TMEM117: variants seen among roughly 807,000 people sequenced by gnomAD.
TMEM117 encodes transmembrane protein 117.
A neutral mutation model predicts 52.4 loss-of-function variants in TMEM117; 27 were observed. The observed-to-expected ratio is 0.51, with a 90% CI of 0.38 to 0.71. TMEM117 has a LOEUF of 0.71. TMEM117 is among the 30% of genes least tolerant of loss of function. The pLI is 0.00. For missense variants in TMEM117, 556 were observed against 630.5 expected, an observed-to-expected ratio of 0.88 and a Z score of 1.26; for synonymous variants, 215 against 206.3, an observed-to-expected ratio of 1.04 and a Z score of -0.36.
intron 6 of TMEM117, among the ~76,000 whole-genome samples, chr12:44,330,708 C>A (rs1170070244): frequency 6.6e-6 from 1 of 151,976 alleles, no homozygotes. Context: ...AATCTTGTGA[C>A]AAATTAGAAG....
At chr12:44,334,134 T>A (rs187414796) in intron 6 of TMEM117, among the ~76,000 whole-genome samples, 1 of 152,218 alleles carries the variant, frequency 6.6e-6, no homozygotes, top group Non-Finnish European at 1.5e-5. Context: ...TCTCTTTTGA[T>A]GACAAACTTT....
chr12:43,927,476 T>C (rs916289144), intron 2 of TMEM117, among the ~76,000 whole-genome samples: 5 of 151,532 alleles, frequency 3.3e-5, no homozygotes, highest in Admixed American at 3.3e-4. Context: ...GCATGACTTA[T>C]TAAATGAGAG....
intron 5 of TMEM117, among the ~76,000 whole-genome samples, chr12:44,261,064 G>A (rs778739396): frequency 1.3e-5 from 2 of 152,090 alleles, no homozygotes; most frequent in Non-Finnish European, 2.9e-5. Flanking sequence ...TTAAAATTGT[G>A]AGTATATACA....
chr12:44,051,268 A>C (rs771608723), intron 3 of TMEM117, among the ~76,000 whole-genome samples: 1 of 152,184 alleles, frequency 6.6e-6, no homozygotes, highest in Non-Finnish European at 1.5e-5. Context: ...CCTCCAACTC[A>C]TAGTAGCCAT....
chr12:44,195,650 A>G (rs570515021), intron 4 of TMEM117, among the ~76,000 whole-genome samples: 1 of 148,456 alleles, frequency 6.7e-6, no homozygotes, highest in African/African-American at 2.6e-5. Context: ...AGCAAAATAG[A>G]CTTTTGACAG....
At chr12:44,144,053 A>G (rs1007839124) in intron 4 of TMEM117, among the ~76,000 whole-genome samples, 1 of 151,800 alleles carries the variant, frequency 6.6e-6, no homozygotes, top group Non-Finnish European at 1.5e-5. Flanking sequence ...AGAAGACCAT[A>G]TGAAATATTT....
chr12:43,912,379 G>T (rs1278679432), intron 2 of TMEM117, among the ~76,000 whole-genome samples: 4 of 151,552 alleles, frequency 2.6e-5, no homozygotes, highest in Non-Finnish European at 5.9e-5. Flanking sequence ...GATAGCATTG[G>T]GAGATATACC....
At chr12:44,335,530 C>G (rs1295347957) in intron 6 of TMEM117, among the ~76,000 whole-genome samples, 9 of 151,914 alleles carry the variant, frequency 5.9e-5, no homozygotes, top group African/African-American at 1.4e-4. Flanking sequence ...TCAGGGTCAT[C>G]TAGTTAATTA....
intron 2 of TMEM117, among the ~76,000 whole-genome samples, chr12:43,921,629 A>G (rs186118209): frequency 2.6e-5 from 4 of 152,188 alleles, no homozygotes; most frequent in Admixed American, 1.3e-4. Context: ...GATTTTCTCT[A>G]TTCTCATATA....
intron 7 of TMEM117, among the ~76,000 whole-genome samples, chr12:44,378,763 G>C (rs1194201054): frequency 6.6e-6 from 1 of 152,122 alleles, no homozygotes; most frequent in East Asian, 1.9e-4. Flanking sequence ...ACAGATTGTT[G>C]GGTTTCATTA....
intron 2 of TMEM117, among the ~76,000 whole-genome samples, chr12:43,901,396 C>T (rs917370004): frequency 4.6e-5 from 7 of 152,190 alleles, no homozygotes; most frequent in East Asian, 1.9e-4. Context: ...CTGCAACCTC[C>T]GCCTCCTGGG....
intron 2 of TMEM117, among the ~76,000 whole-genome samples, chr12:43,896,624 AT>A (rs11302487): frequency 0.72 from 107,719 of 150,222 alleles, 41,485 homozygotes; most frequent in East Asian, 0.87. Context: ...AAATAAACAC[AT>A]TTTTTTTTTT....
chr12:43,998,552 C>A (rs1004269211), intron 3 of TMEM117, among the ~76,000 whole-genome samples: 1 of 152,120 alleles, frequency 6.6e-6, no homozygotes, highest in Non-Finnish European at 1.5e-5. Flanking sequence ...TTGGACATAT[C>A]ACATTTTATT....
At chr12:44,144,788 T>C (rs937280250) in intron 4 of TMEM117, among the ~76,000 whole-genome samples, 3 of 152,228 alleles carry the variant, frequency 2.0e-5, no homozygotes, top group Admixed American at 1.3e-4. Context: ...ACTTGAAAAA[T>C]GATTTATTTG....
Position 44,143,566 on chromosome 12 carries a change from G to A in TMEM117, c.452G>A (p.Ser151Asn), listed in dbSNP as rs1317168725. 3.1e-6 allele frequency: 5 copies of A among 1,614,000 alleles called. No individual in the cohort carries two copies. In the East Asian group the frequency reaches 8.9e-5, roughly 29 times the overall value. ...ITDYMGIRNE[S>N]FMKLAAVGTW... is the part of the protein sequence containing the mutation. The stretch of plus-strand genomic sequence containing the variant: ...GACTATATGGGCATCCGAAATGAAA[G>A]TTTCATGAAATTAGCTGCAGTAGGG... Residue 151 changes from serine (S) to asparagine (N), a missense_variant, in exon 4 of 8, where the codon AGT becomes AAT. Physicochemically the swap from Ser to Asn is conservative, Grantham distance 46 (BLOSUM62 1). Transcript: ENST00000266534.
chr12:44,048,194 G>A (rs1181825092), intron 3 of TMEM117, among the ~76,000 whole-genome samples: 1 of 152,028 alleles, frequency 6.6e-6, no homozygotes, highest in Non-Finnish European at 1.5e-5. Flanking sequence ...ATTTTGTAGT[G>A]ATGTCCCTCT....
chr12:43,804,486 T>C, the TMEM117 span: 1 of 1,550,184 alleles, frequency 6.5e-7, no homozygotes, highest in Non-Finnish European at 8.8e-7. Flanking sequence ...TTTAAAATAT[T>C]TAACTAACCA....
At chr12:43,805,479 G>T in the TMEM117 span, 107 of 451,820 alleles carry the variant, frequency 2.4e-4, 3 homozygotes, top group South Asian at 1.6e-3. Flanking sequence ...AAGTGATCGC[G>T]AGTAACCCGG....
the TMEM117 span, among the ~76,000 whole-genome samples, chr12:43,807,466 G>C: frequency 6.6e-6 from 1 of 152,178 alleles, no homozygotes; most frequent in Non-Finnish European, 1.5e-5. Flanking sequence ...TTTAAGAAAT[G>C]TAGGGAGGAG....
Sources: allele counts gnomAD v4.1 joint callset (sites outside exome capture counted in the v4.1 genomes callset), GRCh38; gene constraint gnomAD v4.1.1; transcripts MANE v1.5; gene names NCBI Gene and HGNC (gene_info 2026-07-23, HGNC 2026-07-21).